The following PHF20 variants were observed in gnomAD, a reference collection of about 807,000 sequenced individuals.
The protein encoded by PHF20 is PHD finger protein 20, also known as glioma-expressed antigen 2.
PHF20 carries 23 observed loss-of-function variants against 113.5 expected under a neutral mutation model. That is an observed-to-expected ratio of 0.20 (90% CI 0.15 to 0.29). The LOEUF (loss-of-function observed/expected upper bound fraction) is 0.29, where lower values mean the gene tolerates loss of function less well. Ranked by LOEUF, PHF20 falls within the 10% of genes least tolerant of loss-of-function variation. The probability of loss-of-function intolerance (pLI) is 1.00; values close to 1 mark genes in which losing one functional copy is unlikely to be tolerated. For missense variants in PHF20, 943 were observed against 1,219.6 expected (o/e 0.77, Z 3.38); for synonymous variants, 434 against 457.3 (o/e 0.95, Z 0.65).
chr20:35,895,216 G>A (rs563986373), intron 9 of PHF20, among the ~76,000 whole-genome samples: 1 of 152,238 alleles, frequency 6.6e-6, no homozygotes, highest in Non-Finnish European at 1.5e-5. Context: ...TTGAGACAAG[G>A]TTTTACCATG....
rs940444590 is a variant in PHF20, at chr20:35,817,661, G to A, written c.83+16056G>A. ...AAAATAAAAAAGTTAGCTGGGTGTT[G>A]GTAGCTCCTGGCTGTAGTCCCAGCT... On this transcript the variant is annotated intron_variant, in intron 2 of 17. Coordinates refer to ENST00000374012, the MANE Select transcript of PHF20 (RefSeq NM_016436.5). Among the ~76,000 whole-genome samples, 7 of 152,148 alleles carry A rather than the reference G, an allele frequency of 4.6e-5. No homozygotes were observed. The East Asian group carries it at 1.2e-3, about 25-fold the overall frequency.
chr20:35,875,226 C>T (rs942547232), intron 9 of PHF20, among the ~76,000 whole-genome samples: 3 of 151,940 alleles, frequency 2.0e-5, no homozygotes, highest in Non-Finnish European at 4.4e-5. Flanking sequence ...GGTGAAACCC[C>T]GTCTCTACTA....
intron 17 of PHF20, among the ~76,000 whole-genome samples, chr20:35,946,840 G>T (rs2056094741): frequency 6.6e-6 from 1 of 152,092 alleles, no homozygotes; most frequent in Admixed American, 6.6e-5. Flanking sequence ...TTCCTGAGTA[G>T]CTGGGACTAC....
At chr20:35,810,357 C>A (rs1033988737) in intron 2 of PHF20, among the ~76,000 whole-genome samples, 1 of 152,174 alleles carries the variant, frequency 6.6e-6, no homozygotes, top group Non-Finnish European at 1.5e-5. Context: ...ACCTGTTTTA[C>A]ATGTATTTAC....
chr20:35,789,752 C>A (rs926870694), intron 1 of PHF20, among the ~76,000 whole-genome samples: 1 of 150,130 alleles, frequency 6.7e-6, no homozygotes, highest in South Asian at 2.1e-4. Flanking sequence ...TTCACCATGT[C>A]GGCTAGGCTG....
chr20:35,845,645 A>T (rs563098544), intron 3 of PHF20: 1 of 156,740 alleles, frequency 6.4e-6, no homozygotes, highest in African/African-American at 2.4e-5. Context: ...CGTACCTCCC[A>T]AAGTCCTGGG....
At chr20:35,812,089 A>G (rs537988386) in intron 2 of PHF20, among the ~76,000 whole-genome samples, 250 of 152,306 alleles carry the variant, frequency 1.6e-3, no homozygotes, top group African/African-American at 5.9e-3. Flanking sequence ...TTTTATTAAG[A>G]AAATTTTCTA....
chr20:35,942,576 T>A (rs1040442391), intron 17 of PHF20, among the ~76,000 whole-genome samples: 1 of 152,222 alleles, frequency 6.6e-6, no homozygotes, highest in African/African-American at 2.4e-5. Flanking sequence ...GCAAGGATGG[T>A]AGGCCTGAAC....
chr20:35,857,571 T>TTG (rs1568660850), intron 4 of PHF20, among the ~76,000 whole-genome samples: 1 of 129,312 alleles, frequency 7.7e-6, no homozygotes, highest in East Asian at 2.1e-4. Context: ...CCTTTTTTTT[T>TTG]TTTTTTTTTT....
intron 10 of PHF20, among the ~76,000 whole-genome samples, chr20:35,909,766 G>A (rs2055263730): frequency 1.3e-5 from 2 of 152,136 alleles, no homozygotes; most frequent in South Asian, 2.1e-4. Flanking sequence ...TAGATTCCAG[G>A]CTTGCCAGCC....
chr20:35,842,646 C>T lies in PHF20; in HGVS notation c.157C>T (p.Arg53Cys), dbSNP rs1307138088. Reference sequence around the variant, plus strand: ...CATCCATTTCAAGCGTTGGAACCATCGTTATGATGAGTGGTTCTGCTGGGA... The same window carrying T: ...CATCCATTTCAAGCGTTGGAACCATTGTTATGATGAGTGGTTCTGCTGGGA... ...VLIHFKRWNHRYDEWFCWDSP... is the reference protein window; with the variant it reads ...VLIHFKRWNHCYDEWFCWDSP... Residue 53 changes from arginine (R) to cysteine (C), a missense_variant, in exon 3 of 18, where the codon CGT becomes TGT. Transcript: ENST00000374012. The T allele has an allele frequency of 1.2e-6, 2 of 1,613,594 alleles. No homozygotes were observed. Among genetic ancestry groups the T allele is most frequent in the Non-Finnish European group, 8.5e-7 (1 of 1,179,660 alleles).
intron 10 of PHF20, among the ~76,000 whole-genome samples, chr20:35,906,946 T>C (rs562865634): frequency 6.6e-6 from 1 of 151,812 alleles, no homozygotes; most frequent in Admixed American, 6.6e-5. Flanking sequence ...GGAGATGAGA[T>C]TGGGAAGGTA....
intron 1 of PHF20, among the ~76,000 whole-genome samples, chr20:35,788,383 A>C (rs1180886475): frequency 6.6e-6 from 1 of 151,972 alleles, no homozygotes; most frequent in Non-Finnish European, 1.5e-5. Flanking sequence ...GGTGTGAGCC[A>C]CTGTGCCTGG....
chr20:35,833,859 A>G (rs1455572949), intron 2 of PHF20, among the ~76,000 whole-genome samples: 2 of 152,104 alleles, frequency 1.3e-5, no homozygotes, highest in Admixed American at 1.3e-4. Flanking sequence ...GGAGTTCAAG[A>G]CCAGCCTGGC....
intron 9 of PHF20, among the ~76,000 whole-genome samples, chr20:35,894,739 G>T (rs1421500129): frequency 6.6e-6 from 1 of 152,244 alleles, no homozygotes; most frequent in African/African-American, 2.4e-5. Flanking sequence ...ACTGAGGCAA[G>T]GGGTGTAGGT....
intron 9 of PHF20, among the ~76,000 whole-genome samples, chr20:35,896,514 C>T (rs117027493): frequency 5.3e-5 from 8 of 152,052 alleles, no homozygotes; most frequent in Non-Finnish European, 1.0e-4. Context: ...TTCTAACACA[C>T]AAGAGGTTCT....
rs765574236 is a variant in PHF20, at chr20:35,938,860, C to G, written c.2464C>G (p.Leu822Val). The G allele has an allele frequency of 6.2e-7, 1 of 1,614,186 alleles. No individual in the cohort carries two copies. The highest frequency in any genetic ancestry group is 8.5e-7 in the Non-Finnish European group (1 of 1,180,014). Residue 822 changes from leucine to valine, a missense_variant, in exon 16 of 18, where the codon CTG becomes GTG. Transcript: ENST00000374012. ...CGGGGCAGTGGAGAAGCCCAGGCCC[C>G]TGGCCCTGCCCCTGCCGCGTTCTGT... The part of the protein sequence containing the change: ...LNGAVEKPRP[L>V]ALPLPRSVEE...
intron 4 of PHF20, among the ~76,000 whole-genome samples, chr20:35,857,562 C>CTTTTTTTTTTTTTGT (rs2042855214): frequency 9.0e-5 from 9 of 99,676 alleles, no homozygotes; most frequent in African/African-American, 3.3e-4. Flanking sequence ...AATGATGTTC[C>CTTTTTTTTTTTTTGT]TTTTTTTTTT....
intron 2 of PHF20, among the ~76,000 whole-genome samples, chr20:35,802,966 A>G (rs1311275131): frequency 3.4e-5 from 5 of 147,056 alleles, no homozygotes; most frequent in Non-Finnish European, 7.5e-5. Flanking sequence ...AGAATTAGGT[A>G]CACTTGGCCA....
Sources: allele counts gnomAD v4.1 joint callset (sites outside exome capture counted in the v4.1 genomes callset), GRCh38; gene constraint gnomAD v4.1.1; transcripts MANE v1.5; gene names NCBI Gene and HGNC (gene_info 2026-07-23, HGNC 2026-07-21).